The following HAS2 variants were observed in gnomAD, a reference collection of about 807,000 sequenced individuals.
HAS2 encodes the protein HA synthase 2.
A neutral mutation model predicts 51.6 loss-of-function variants in HAS2; 16 were observed. That is an observed-to-expected ratio of 0.31 (90% confidence interval 0.21 to 0.47). The LOEUF (loss-of-function observed/expected upper bound fraction) is 0.47. Ranked by LOEUF, HAS2 falls within the 20% of genes least tolerant of loss-of-function variation. The pLI is 1.00. For missense variants in HAS2, 361 were observed against 662.6 expected (o/e 0.54, Z 5.00); for synonymous variants, 228 against 235.5 (o/e 0.97, Z 0.29).
intron 2 of HAS2, among the ~76,000 whole-genome samples, chr8:121,625,517 CTT>C (rs35359881): frequency 6.9e-6 from 1 of 144,198 alleles, no homozygotes. Context: ...TTCCCTTCAA[CTT>C]TTTTTTTTTT....
chr8:121,617,688 G>A (rs753125697), intron 2 of HAS2, among the ~76,000 whole-genome samples: 3 of 152,092 alleles, frequency 2.0e-5, no homozygotes, highest in Non-Finnish European at 2.9e-5. Flanking sequence ...TCTTAAGGGA[G>A]ACATATTTAG....
At chr8:121,633,107 G>C (rs904516937) in intron 1 of HAS2, among the ~76,000 whole-genome samples, 3 of 149,472 alleles carry the variant, frequency 2.0e-5, no homozygotes, top group African/African-American at 7.4e-5. Context: ...GGAAAGATTA[G>C]AAACAAACTT....
At chr8:121,622,476 G>A (rs970269662) in intron 2 of HAS2, among the ~76,000 whole-genome samples, 4 of 151,956 alleles carry the variant, frequency 2.6e-5, no homozygotes, top group Non-Finnish European at 5.9e-5. Context: ...TACCTCATAA[G>A]TTTGTTGTAA....
At position 121,613,054 on chromosome 8, in the gene HAS2, T is replaced by C. The variant is rs186581467; in HGVS notation, c.*1055A>G. 1 of 152,240 alleles carries C rather than the reference T, an allele frequency of 6.6e-6. No homozygotes were observed. The highest frequency in any genetic ancestry group is 1.9e-4 in the East Asian group (1 of 5,168). The allele number at this position is 152,240 out of a possible 1,614,324, so 9.4% of individuals were successfully genotyped here. A position where few individuals can be genotyped will look rare whatever the true frequency, so the allele number is the denominator to read the frequency against. On this transcript the variant is annotated 3_prime_UTR_variant, in exon 4 of 4. Coordinates refer to ENST00000303924, the MANE Select transcript of HAS2 (RefSeq NM_005328.3). ...TAAACTGCATTGTATGTGTCCAAAA[T>C]TATACAGATAATTTCTCCACTTTCC...
In HAS2 at chr8:121,617,119, C is replaced by T. The variant is rs780243360; in HGVS notation, c.715G>A (p.Gly239Arg). ...LEEDPMVGGV[G>R]GDVQILNKYD... The stretch of plus-strand genomic sequence containing the variant: ...AAGCCATGTACCTGGACATCTCCCC[C>T]AACACCTCCAACCATGGGATCTTCT... The change falls in exon 3 of 4, where the codon GGG (glycine) becomes AGG (arginine). Residue 239 changes from glycine to arginine, a missense_variant. By Grantham distance (125) the Gly-to-Arg change is moderately radical. This residue lies in a region of HAS2 where 49 missense variants were observed against 108.3 expected (regional missense o/e 0.45). Transcript: ENST00000303924. The T allele has an allele frequency of 6.3e-7, 1 of 1,599,144 alleles. No individual in the cohort carries two copies. The highest frequency in any genetic ancestry group is 1.1e-5 in the South Asian group (1 of 90,720).
At chr8:121,633,685 A>G (rs1169527621) in intron 1 of HAS2, among the ~76,000 whole-genome samples, 1 of 152,174 alleles carries the variant, frequency 6.6e-6, no homozygotes, top group Non-Finnish European at 1.5e-5. Context: ...TAGTGTTCCC[A>G]CTTCTTCCAC....
intron 1 of HAS2, chr8:121,640,033 C>A (rs954113713): frequency 6.6e-6 from 1 of 152,170 alleles, no homozygotes; most frequent in Non-Finnish European, 1.5e-5. Context: ...GCTGCCGAAG[C>A]GCAGCGCGCG....
Position 121,614,866 on chromosome 8 carries a change from T to C in HAS2, c.902A>G (p.Asn301Ser), listed in dbSNP as rs1812680516. ...ACATTGGTTGCCCATAAATTCTTGA[T>C]TGTACCAATCTTCCACAAACTCATG... Reference protein sequence around the residue: ...LLHEFVEDWYNQEFMGNQCSF... With the variant: ...LLHEFVEDWYSQEFMGNQCSF... Residue 301 changes from asparagine (N) to serine (S), a missense_variant, in exon 4 of 4, where the codon AAT (asparagine) becomes AGT (serine). By Grantham distance (46) the Asn-to-Ser change is conservative. Around this residue, in one of 5 missense-constraint regions of HAS2, gnomAD observed 106 missense variants for 241.0 expected, o/e 0.44. Coordinates refer to ENST00000303924, the MANE Select transcript of HAS2 (RefSeq NM_005328.3). This position sits in a 1 kb window ranked among gnomAD's most constrained non-coding sequence, Gnocchi z 7.2. 2 of 1,614,074 alleles carry C rather than the reference T, an allele frequency of 1.2e-6. No individual in the cohort carries two copies. Among genetic ancestry groups the C allele is most frequent in the African/African-American group, 1.3e-5 (1 of 74,936 alleles).
chr8:121,635,215 T>A (rs1586510581), intron 1 of HAS2, among the ~76,000 whole-genome samples: 1 of 152,338 alleles, frequency 6.6e-6, no homozygotes, highest in African/African-American at 2.4e-5. Flanking sequence ...GATAGAATCC[T>A]GGCTCTTCCT....
intron 1 of HAS2, among the ~76,000 whole-genome samples, chr8:121,634,352 G>C (rs537044048): frequency 3.3e-5 from 5 of 152,092 alleles, no homozygotes; most frequent in African/African-American, 1.2e-4. Flanking sequence ...AATTAGGTCT[G>C]ATGATACCTC....
chr8:121,615,407 G>A (rs1812686399), intron 3 of HAS2, among the ~76,000 whole-genome samples: 1 of 152,224 alleles, frequency 6.6e-6, no homozygotes, highest in East Asian at 1.9e-4. Context: ...CGCGATTTGG[G>A]CTCACTGCAA....
chr8:121,614,461 A>G lies in HAS2; in HGVS notation c.1307T>C (p.Met436Thr), dbSNP rs145797598. The G allele has an allele frequency of 6.2e-7, 1 of 1,614,022 alleles. No individual in the cohort carries two copies. The highest frequency in any genetic ancestry group is 8.5e-7 in the Non-Finnish European group (1 of 1,179,878). Residue 436 changes from methionine (M) to threonine (T), a missense_variant, in exon 4 of 4, where the codon ATG becomes ACG. Transcript: ENST00000303924. This position sits in a 1 kb window ranked among gnomAD's most constrained non-coding sequence, Gnocchi z 7.2. ...CATGTATAACACTGAGTAGAGAGAC[A>G]TGAAGACCATGACGATATTTCCTCT... ...CLRGNIVMVF[M>T]SLYSVLYMSS...
intron 1 of HAS2, among the ~76,000 whole-genome samples, chr8:121,640,444 T>TGTGTGTGTGG (rs1491405607): frequency 2.1e-5 from 3 of 143,266 alleles, no homozygotes; most frequent in Non-Finnish European, 4.6e-5. Flanking sequence ...TGTGTGTGTG[T>TGTGTGTGTGG]GGGAAAAAAA....
intron 2 of HAS2, among the ~76,000 whole-genome samples, chr8:121,625,872 T>C (rs1812842963): frequency 6.6e-6 from 1 of 152,092 alleles, no homozygotes; most frequent in South Asian, 2.1e-4. Context: ...TTTTCTATCT[T>C]CTTTATCTCT....
At chr8:121,640,658 A>G (rs1296006694) in intron 1 of HAS2, among the ~76,000 whole-genome samples, 195 bp downstream of exon 1, 1 of 152,158 alleles carries the variant, frequency 6.6e-6, no homozygotes, top group East Asian at 1.9e-4. Context: ...AGAAATGGGA[A>G]AAGAGGGCTA....
chr8:121,619,529 C>T (rs182612026), intron 2 of HAS2, among the ~76,000 whole-genome samples: 2 of 152,014 alleles, frequency 1.3e-5, no homozygotes, highest in East Asian at 3.9e-4. Flanking sequence ...CATAGTCTCA[C>T]TTATTTTAAG....
rs1812674975 is a variant in HAS2, at chr8:121,614,376, G to A, written c.1392C>T (p.Gly464=). ...CAACAATGGTTTTCCTTCCTGATGT[G>A]CCCCACCCAGCTTTGTTTATTGTTG... ...AIATINKAGW[G]TSGRKTIVVN... is the part of the protein sequence containing the mutation. The change falls in exon 4 of 4, where the codon GGC becomes GGT. Residue 464 remains glycine, a synonymous_variant. Coordinates refer to ENST00000303924, the MANE Select transcript of HAS2 (RefSeq NM_005328.3). The surrounding 1 kb of genome is among the most constrained non-coding windows in gnomAD (Gnocchi z 7.2). 1 of 1,613,964 alleles carries A rather than the reference G, an allele frequency of 6.2e-7. No individual in the cohort carries two copies. The highest frequency in any genetic ancestry group is 1.6e-4 in the Middle Eastern group (1 of 6,062).
chr8:121,638,796 A>G (rs1408920950), intron 1 of HAS2, among the ~76,000 whole-genome samples: 5 of 152,308 alleles, frequency 3.3e-5, no homozygotes, highest in African/African-American at 1.2e-4. Flanking sequence ...TGTGGTGAAA[A>G]CTAATTTAAT....
At position 121,612,665 on chromosome 8, in the gene HAS2, T is replaced by C. The variant is rs561811963; in HGVS notation, c.*1444A>G. 1 of 152,164 alleles carries C rather than the reference T, an allele frequency of 6.6e-6. No individual in the cohort carries two copies. Among genetic ancestry groups the C allele is most frequent in the East Asian group, 1.9e-4 (1 of 5,192 alleles). 9.4% of individuals were successfully genotyped at this position (152,164 alleles called of 1,614,324 possible). Reference sequence around the variant, plus strand: ...CCTTGCAGTAACTAAATTAGCCAAGTTCAGAGTATGTGGTTCAACAATTTT... The same window carrying C: ...CCTTGCAGTAACTAAATTAGCCAAGCTCAGAGTATGTGGTTCAACAATTTT... On this transcript the variant is annotated 3_prime_UTR_variant, in exon 4 of 4. Transcript: ENST00000303924.
Sources: gnomAD v4.1 joint callset for allele counts (sites outside exome capture counted in the v4.1 genomes callset) on GRCh38, gnomAD v4.1.1 for gene constraint, gnomAD v4.1.1 regional missense constraint, Gnocchi (gnomAD v3.1) non-coding constraint, MANE v1.5 for transcripts, NCBI Gene and HGNC (gene_info 2026-07-23, HGNC 2026-07-21) for gene names.